THNSL1: variants seen among roughly 807,000 people sequenced by gnomAD.
The protein encoded by THNSL1 is threonine synthase-like 1.
Under a neutral mutation model 50.4 loss-of-function variants are expected in THNSL1, and 48 were observed. The observed-to-expected ratio is 0.95, with a 90% CI of 0.76 to 1.21. The LOEUF (loss-of-function observed/expected upper bound fraction) is 1.21, where lower values mean the gene tolerates loss of function less well. Among genes scored for constraint, THNSL1 ranks in the 50% most tolerant of loss-of-function variants. THNSL1 has a pLI of 0.00. For missense variants in THNSL1, 896 were observed against 871.7 expected, an observed-to-expected ratio of 1.03 and a Z score of -0.35; for synonymous variants, 309 against 306.1, an observed-to-expected ratio of 1.01 and a Z score of -0.10.
chr10:25,024,063 G>C lies in THNSL1; in HGVS notation c.840G>C (p.Trp280Cys). The part of the protein sequence containing the change: ...KEFPKLSCGE[W>C]KSLVGATYVE... ...TTCCAAAATTAAGCTGCGGGGAGTG[G>C]AAAAGCCTAGTAGGAGCAACCTACG... The change falls in exon 3 of 3, where the codon TGG becomes TGC. Residue 280 changes from tryptophan to cysteine, a missense_variant. Trp to Cys is a radical substitution (Grantham distance 215). Transcript: ENST00000376356. The C allele has an allele frequency of 6.2e-7, 1 of 1,614,172 alleles. No homozygotes were observed. Among genetic ancestry groups the C allele is most frequent in the Non-Finnish European group, 8.5e-7 (1 of 1,180,020 alleles).
chr10:24,957,073 A>G, the THNSL1 span, among the ~76,000 whole-genome samples: 1 of 152,178 alleles, frequency 6.6e-6, no homozygotes, highest in African/African-American at 2.4e-5. Context: ...GGTTGAGACT[A>G]CTGCGTTAGT....
the THNSL1 span, among the ~76,000 whole-genome samples, chr10:24,962,252 C>A: frequency 1.3e-5 from 2 of 152,062 alleles, no homozygotes; most frequent in South Asian, 4.1e-4. Context: ...GTATGTAAAA[C>A]AAAAGTAAAT....
At chr10:24,980,798 C>A in the THNSL1 span, among the ~76,000 whole-genome samples, 220 of 152,062 alleles carry the variant, frequency 1.4e-3, no homozygotes, top group African/African-American at 5.1e-3. Context: ...TTCACTGCAA[C>A]CTTTGCCTCC....
At chr10:24,959,845 A>T in the THNSL1 span, among the ~76,000 whole-genome samples, 2 of 152,244 alleles carry the variant, frequency 1.3e-5, no homozygotes, top group South Asian at 4.1e-4. Context: ...TTTTATATAT[A>T]ACACTGTTTT....
At chr10:24,972,542 G>A in the THNSL1 span, among the ~76,000 whole-genome samples, 2 of 150,124 alleles carry the variant, frequency 1.3e-5, no homozygotes, top group Admixed American at 1.3e-4. Context: ...AATAATAATT[G>A]CACTACTATT....
the THNSL1 span, among the ~76,000 whole-genome samples, chr10:24,961,394 G>C: frequency 5.3e-5 from 8 of 152,130 alleles, no homozygotes; most frequent in South Asian, 6.2e-4. Flanking sequence ...AAATAAATGT[G>C]TTTGTAATAA....
At chr10:24,971,320 G>T in the THNSL1 span, among the ~76,000 whole-genome samples, 2 of 145,604 alleles carry the variant, frequency 1.4e-5, no homozygotes, top group Non-Finnish European at 2.9e-5. Flanking sequence ...ACACAGGCTG[G>T]TCTTGAACTC....
the THNSL1 span, among the ~76,000 whole-genome samples, chr10:24,969,395 T>A: frequency 2.0e-5 from 3 of 152,162 alleles, no homozygotes; most frequent in Admixed American, 1.3e-4. Flanking sequence ...AATCAATAGG[T>A]CTGTTTTTAT....
At chr10:24,953,268 C>T in the THNSL1 span, 19,775 of 152,460 alleles carry the variant, frequency 0.13, 4,099 homozygotes, top group African/African-American at 0.44. Flanking sequence ...CCCCACCTCC[C>T]TCATCCCAGG....
chr10:25,004,553 G>A, the THNSL1 span, among the ~76,000 whole-genome samples: 1 of 152,234 alleles, frequency 6.6e-6, no homozygotes, highest in South Asian at 2.1e-4. Context: ...TTGGTCACAT[G>A]TATGTCTTCT....
At chr10:24,958,379 T>C in the THNSL1 span, among the ~76,000 whole-genome samples, 1 of 152,186 alleles carries the variant, frequency 6.6e-6, no homozygotes, top group Non-Finnish European at 1.5e-5. Flanking sequence ...TCTTTACAAA[T>C]GTTACAAGTA....
rs1255344470 is a variant in THNSL1, at chr10:25,023,747, G to A, written c.524G>A (p.Gly175Asp). 13 of 1,613,776 alleles carry A rather than the reference G, an allele frequency of 8.1e-6. No individual in the cohort carries two copies. Among genetic ancestry groups the A allele is most frequent in the Non-Finnish European group, 1.1e-5 (13 of 1,179,994 alleles). Reference sequence around the variant, plus strand: ...TTAATGAAGACAGATAGGATTGTAGGTCAGAATTCTGGAACATCTATGAAA... The same window carrying A: ...TTAATGAAGACAGATAGGATTGTAGATCAGAATTCTGGAACATCTATGAAA... The part of the protein sequence containing the change: ...LKLMKTDRIV[G>D]QNSGTSMKDL... The change falls in exon 3 of 3, where the codon GGT becomes GAT. Residue 175 changes from glycine to aspartate, a missense_variant. Coordinates refer to ENST00000376356, the MANE Select transcript of THNSL1 (RefSeq NM_024838.5).
At chr10:25,015,778 A>T, upstream of THNSL1, 7 of 1,246,560 alleles carry the variant, frequency 5.6e-6, no homozygotes, top group Non-Finnish European at 7.5e-6. Flanking sequence ...TTATTATTAA[A>T]AATTCCAGTA....
chr10:25,023,871 G>A lies in THNSL1; in HGVS notation c.648G>A (p.Val216=), dbSNP rs937960831. 9.3e-6 allele frequency: 15 copies of A among 1,614,068 alleles called. No homozygotes were observed. The highest frequency in any genetic ancestry group is 1.7e-5 in the Admixed American group (1 of 60,006). ...CCCCAGAGGAGGTAGCTGACAAAGT[G>A]CTGAATGCAATTAAAAGATACCAAG... ...GASPEEVADK[V]LNAIKRYQDV... The change falls in exon 3 of 3, where the codon GTG becomes GTA. Residue 216 remains valine, a synonymous_variant. Coordinates refer to ENST00000376356, the MANE Select transcript of THNSL1 (RefSeq NM_024838.5).
chr10:25,021,759 G>T lies in THNSL1; in HGVS notation c.-198G>T, dbSNP rs576266756. 1 of 152,240 alleles carries T rather than the reference G, an allele frequency of 6.6e-6. No homozygotes were observed. The highest frequency in any genetic ancestry group is 2.4e-5 in the African/African-American group (1 of 41,550). 9.4% of individuals were successfully genotyped at this position (152,240 alleles called of 1,614,324 possible). On this transcript the variant is annotated 5_prime_UTR_variant, in exon 2 of 3. Transcript: ENST00000376356. Reference sequence around the variant, plus strand: ...CATTATAGACTCCACGTTTTGCAAAGATCGGTTTTGCCTCAGAGTCAACAA... The same window carrying T: ...CATTATAGACTCCACGTTTTGCAAATATCGGTTTTGCCTCAGAGTCAACAA...
At chr10:25,002,452 T>G in the THNSL1 span, among the ~76,000 whole-genome samples, 417 of 152,338 alleles carry the variant, frequency 2.7e-3, 1 homozygote, top group South Asian at 7.7e-3. Context: ...TTTTTTCTTC[T>G]GGATCTTGGC....
At chr10:25,001,646 G>A in the THNSL1 span, among the ~76,000 whole-genome samples, 4 of 151,868 alleles carry the variant, frequency 2.6e-5, no homozygotes, top group South Asian at 2.1e-4. Flanking sequence ...TCTTAGCTGC[G>A]TTAATCCAAT....
At chr10:24,959,590 G>T in the THNSL1 span, among the ~76,000 whole-genome samples, 1 of 152,106 alleles carries the variant, frequency 6.6e-6, no homozygotes, top group African/African-American at 2.4e-5. Context: ...TATGTTGTAG[G>T]TCTTCTAGGA....
At chr10:25,015,511 C>T (rs924199893), upstream of THNSL1, among the ~76,000 whole-genome samples, 1 of 152,098 alleles carries the variant, frequency 6.6e-6, no homozygotes, top group Admixed American at 6.5e-5. Flanking sequence ...TATCCTTAAA[C>T]AAGATAATAG....
Sources: gnomAD v4.1 joint callset for allele counts (sites outside exome capture counted in the v4.1 genomes callset) on GRCh38, gnomAD v4.1.1 for gene constraint, MANE v1.5 for transcripts, NCBI Gene and HGNC (gene_info 2026-07-23, HGNC 2026-07-21) for gene names.